The following GAB2 variants were observed in gnomAD, a reference collection of about 807,000 sequenced individuals.
GAB2 encodes the protein GRB2-associated-binding protein 2.
A neutral mutation model predicts 65.5 loss-of-function variants in GAB2; 26 were observed. The observed-to-expected ratio is 0.40, with a 90% CI of 0.29 to 0.55. GAB2 has a LOEUF of 0.55. Ranked by LOEUF, GAB2 falls within the 20% of genes least tolerant of loss-of-function variation. The pLI is 0.53. For missense variants in GAB2, 884 were observed against 875.8 expected, an observed-to-expected ratio of 1.01 and a Z score of -0.12; for synonymous variants, 321 against 329.6, an observed-to-expected ratio of 0.97 and a Z score of 0.28.
chr11:78,255,093 G>A (rs1172583734), intron 2 of GAB2, among the ~76,000 whole-genome samples: 1 of 152,082 alleles, frequency 6.6e-6, no homozygotes, highest in East Asian at 1.9e-4. Context: ...CAATGAACTG[G>A]TATCCTTATA....
rs1419527810 is a variant in GAB2, at chr11:78,346,674, C to CACATATATATAT, written c.76-65774_76-65773insATATATATATGT. The stretch of plus-strand genomic sequence containing the variant: ...TGGGCTGTTCTGTTTACATCCCCTC[C>CACATATATATAT]ATATATATATATATATATATATATA... On this transcript the variant is annotated intron_variant, in intron 1 of 9. Transcript: ENST00000361507. 4.6e-4 allele frequency among the ~76,000 whole-genome samples: 25 copies of CACATATATATAT among 54,900 alleles called. 1 individual carries two copies. Among genetic ancestry groups the CACATATATATAT allele is most frequent in the African/African-American group, 1.3e-3 (18 of 14,096 alleles). The allele number at this position is 54,900 out of a possible 152,430, so 36.0% of individuals were successfully genotyped here.
chr11:78,323,893 G>A lies in GAB2; in HGVS notation c.76-42992C>T, dbSNP rs1269723500. Among the ~76,000 whole-genome samples the A allele has an allele frequency of 4.1e-5, 6 of 145,914 alleles. No homozygotes were observed. In the East Asian group the frequency reaches 1.1e-3, roughly 26 times the overall value. ...GCTCACTGCAACCTCCGCCTCCCGG[G>A]TTCAAGCAATTTTCCTCCCTCAGCC... On this transcript the variant is annotated intron_variant, in intron 1 of 9. Coordinates refer to ENST00000361507, the MANE Select transcript of GAB2 (RefSeq NM_080491.3).
chr11:78,308,392 T>C lies in GAB2; in HGVS notation c.76-27491A>G, dbSNP rs143862253. 9.3e-4 allele frequency among the ~76,000 whole-genome samples: 141 copies of C among 151,948 alleles called. 1 individual carries two copies. Among genetic ancestry groups the C allele is most frequent in the African/African-American group, 3.2e-3 (131 of 41,440 alleles). Reference sequence around the variant, plus strand: ...AAAGAAAGACAGGGCATCTTTGATGTGATTATGGGAAAGGATGTGGGGAGA... The same window carrying C: ...AAAGAAAGACAGGGCATCTTTGATGCGATTATGGGAAAGGATGTGGGGAGA... On this transcript the variant is annotated intron_variant, in intron 1 of 9. Coordinates refer to ENST00000361507, the MANE Select transcript of GAB2 (RefSeq NM_080491.3).
At position 78,402,372 on chromosome 11, in the gene GAB2, T is replaced by C. The variant is rs542175015; in HGVS notation, c.75+15274A>G. On this transcript the variant is annotated intron_variant, in intron 1 of 9. Coordinates refer to ENST00000361507, the MANE Select transcript of GAB2 (RefSeq NM_080491.3). ...AACTTGGGCACTTGGCACATACTAATTGTTTGATAAATTACTGAACTAAAT... is the reference window on the plus strand; with the variant it reads ...AACTTGGGCACTTGGCACATACTAACTGTTTGATAAATTACTGAACTAAAT... Among the ~76,000 whole-genome samples, 4 of 151,292 alleles carry C rather than the reference T, an allele frequency of 2.6e-5. No individual in the cohort carries two copies. The South Asian group carries it at 6.2e-4, about 24-fold the overall frequency.
chr11:78,356,958 C>T (rs972398394), intron 1 of GAB2, among the ~76,000 whole-genome samples: 2 of 152,000 alleles, frequency 1.3e-5, no homozygotes, highest in African/African-American at 4.8e-5. Flanking sequence ...TTCATAAGGA[C>T]AAAAAGTAGA....
At chr11:78,405,912 C>T (rs928645554) in intron 1 of GAB2, among the ~76,000 whole-genome samples, 4 of 152,168 alleles carry the variant, frequency 2.6e-5, no homozygotes, top group Admixed American at 6.5e-5. Flanking sequence ...TAGCAAGAGA[C>T]GAAACTGCTA....
At chr11:78,224,782 G>C (rs1227611870) in intron 5 of GAB2, among the ~76,000 whole-genome samples, 2 of 152,048 alleles carry the variant, frequency 1.3e-5, no homozygotes. Context: ...TCCTGCATGT[G>C]AGGCCACGTG....
chr11:78,288,432 A>G (rs1023845406), intron 1 of GAB2, among the ~76,000 whole-genome samples: 2 of 151,734 alleles, frequency 1.3e-5, no homozygotes, highest in Non-Finnish European at 2.9e-5. Flanking sequence ...AAGAAAAAAC[A>G]CAAAAAATCT....
At chr11:78,262,416 C>G (rs1865758653) in intron 2 of GAB2, among the ~76,000 whole-genome samples, 1 of 152,228 alleles carries the variant, frequency 6.6e-6, no homozygotes, top group Non-Finnish European at 1.5e-5. Flanking sequence ...AGCTGGCCCT[C>G]AGCACTGCAC....
intron 1 of GAB2, among the ~76,000 whole-genome samples, chr11:78,285,514 T>C (rs1272392515): frequency 1.3e-5 from 2 of 152,246 alleles, no homozygotes; most frequent in Non-Finnish European, 2.9e-5. Context: ...GTACCCAGGC[T>C]GGTGTGCAGT....
chr11:78,278,818 T>A lies in GAB2; in HGVS notation c.376+1783A>T, dbSNP rs952596175. ...TCACTGCAACCTTGAATTCCTGGCA[T>A]CAACCAATCCTCCTACCTAAGCTTC... On this transcript the variant is annotated intron_variant, in intron 2 of 9. Transcript: ENST00000361507. Among the ~76,000 whole-genome samples the A allele has an allele frequency of 3.9e-5, 6 of 152,060 alleles. No individual in the cohort carries two copies. The East Asian group carries it at 1.2e-3, about 29-fold the overall frequency.
At chr11:78,274,360 G>T (rs1018445777) in intron 2 of GAB2, among the ~76,000 whole-genome samples, 2 of 152,162 alleles carry the variant, frequency 1.3e-5, no homozygotes, top group East Asian at 3.9e-4. Flanking sequence ...CACATATGAT[G>T]AAGCCTCTAT....
intron 1 of GAB2, among the ~76,000 whole-genome samples, chr11:78,300,985 G>A (rs1424548346): frequency 2.6e-5 from 4 of 152,138 alleles, no homozygotes; most frequent in African/African-American, 4.8e-5. Flanking sequence ...GTAAGCCACT[G>A]CACCCAGCCT....
At chr11:78,285,245 G>C (rs1004422646) in intron 1 of GAB2, among the ~76,000 whole-genome samples, 1 of 152,130 alleles carries the variant, frequency 6.6e-6, no homozygotes, top group African/African-American at 2.4e-5. Context: ...CAAATCTCTG[G>C]TATGCAGGTG....
chr11:78,412,098 A>C (rs1857137516), intron 1 of GAB2, among the ~76,000 whole-genome samples: 1 of 151,596 alleles, frequency 6.6e-6, no homozygotes, highest in African/African-American at 2.4e-5. Context: ...AGATCATGCC[A>C]TTGCACTCCA....
At chr11:78,314,640 A>G (rs966080084) in intron 1 of GAB2, among the ~76,000 whole-genome samples, 8 of 152,246 alleles carry the variant, frequency 5.3e-5, no homozygotes, top group Admixed American at 1.3e-4. Flanking sequence ...TGTCAAGTGT[A>G]TATAGAAGTA....
chr11:78,224,244 C>T (rs190335336), intron 5 of GAB2, among the ~76,000 whole-genome samples: 17 of 152,276 alleles, frequency 1.1e-4, no homozygotes, highest in Middle Eastern at 3.4e-3. Flanking sequence ...GCTTTCTGGA[C>T]GCCTGACCAA....
intron 1 of GAB2, among the ~76,000 whole-genome samples, chr11:78,291,561 C>T (rs11237440): frequency 0.79 from 64,485 of 81,450 alleles, 24,756 homozygotes; most frequent in Middle Eastern, 0.85. Flanking sequence ...TTTTCTTTTT[C>T]TTTTTTTTTT....
At chr11:78,395,468 A>G (rs908122587) in intron 1 of GAB2, among the ~76,000 whole-genome samples, 3 of 152,200 alleles carry the variant, frequency 2.0e-5, no homozygotes, top group Non-Finnish European at 4.4e-5. Context: ...AAACCAACCA[A>G]GTCTACCTTT....
Sources: gnomAD v4.1 joint callset for allele counts (sites outside exome capture counted in the v4.1 genomes callset) on GRCh38, gnomAD v4.1.1 for gene constraint, MANE v1.5 for transcripts, NCBI Gene and HGNC (gene_info 2026-07-23, HGNC 2026-07-21) for gene names.